RAB11FIP3: variants seen among roughly 807,000 people sequenced by gnomAD.
The protein encoded by RAB11FIP3 is rab11 family-interacting protein 3.
In RAB11FIP3, 17 loss-of-function variants were observed where a neutral mutation model predicts 77.8. That is an observed-to-expected ratio of 0.22 (90% CI 0.15 to 0.33). RAB11FIP3 has a LOEUF of 0.33. Ranked by LOEUF, RAB11FIP3 falls within the 10% of genes least tolerant of loss-of-function variation. The probability of loss-of-function intolerance (pLI) is 1.00; values close to 1 mark genes in which losing one functional copy is unlikely to be tolerated. For synonymous variants in RAB11FIP3, 437 were observed against 448.2 expected (o/e 0.98, Z 0.31); for missense variants, 1,005 against 1,011.2 (o/e 0.99, Z 0.08).
chr16:437,863 G>T (rs954882454), intron 1 of RAB11FIP3, among the ~76,000 whole-genome samples: 1 of 151,536 alleles, frequency 6.6e-6, no homozygotes, highest in Non-Finnish European at 1.5e-5. Flanking sequence ...CACGATCTTG[G>T]CTCATTCTTG....
intron 1 of RAB11FIP3, among the ~76,000 whole-genome samples, chr16:460,796 C>T (rs899427342): frequency 3.3e-5 from 5 of 151,446 alleles, no homozygotes; most frequent in South Asian, 2.1e-4. Context: ...TGGCTGCTGG[C>T]GTTCAGTGGC....
intron 2 of RAB11FIP3, among the ~76,000 whole-genome samples, chr16:466,437 C>T (rs1021613425): frequency 6.6e-6 from 1 of 152,172 alleles, no homozygotes; most frequent in Admixed American, 6.5e-5. Flanking sequence ...GGGGCAAGCT[C>T]AGCTCTAGGG....
intron 5 of RAB11FIP3, 163 bp downstream of exon 5, chr16:489,163 T>G: frequency 1.1e-6 from 1 of 884,114 alleles, no homozygotes; most frequent in Admixed American, 3.1e-5. Context: ...TACCTGGATT[T>G]ATGAAAGTTG....
chr16:448,924 T>C (rs1272565002), intron 1 of RAB11FIP3, among the ~76,000 whole-genome samples: 1 of 151,582 alleles, frequency 6.6e-6, no homozygotes. Flanking sequence ...TAAAAAAAAA[T>C]TGAATAACAT....
At chr16:474,323 C>T (rs59457064) in intron 3 of RAB11FIP3, among the ~76,000 whole-genome samples, 3,005 of 152,194 alleles carry the variant, frequency 0.02, 112 homozygotes, top group African/African-American at 0.067. Context: ...CCGGGGTGGT[C>T]GGGTAAAATG....
intron 6 of RAB11FIP3, among the ~76,000 whole-genome samples, chr16:500,133 CTG>C (rs1285717745): frequency 2.0e-5 from 3 of 152,224 alleles, no homozygotes; most frequent in Non-Finnish European, 4.4e-5. Context: ...CTCCAGTCAG[CTG>C]TGTGTGCAGA....
intron 2 of RAB11FIP3, among the ~76,000 whole-genome samples, chr16:466,246 T>G (rs1275515258): frequency 6.6e-6 from 1 of 152,168 alleles, no homozygotes; most frequent in Non-Finnish European, 1.5e-5. Flanking sequence ...CATGGAGAGT[T>G]AAGACGGGTC....
chr16:431,479 A>T (rs2055035112), intron 1 of RAB11FIP3, among the ~76,000 whole-genome samples: 1 of 151,856 alleles, frequency 6.6e-6, no homozygotes, highest in Admixed American at 6.6e-5. Context: ...ACGTGGGTTC[A>T]AGCGATTGTC....
intron 4 of RAB11FIP3, among the ~76,000 whole-genome samples, chr16:486,061 C>T (rs1367504659): frequency 1.3e-5 from 2 of 152,238 alleles, no homozygotes; most frequent in African/African-American, 4.8e-5. Context: ...GCCACCATGC[C>T]TGGCTAATTT....
intron 9 of RAB11FIP3, among the ~76,000 whole-genome samples, chr16:511,281 C>A (rs567544485): frequency 7.8e-6 from 1 of 129,014 alleles, no homozygotes; most frequent in African/African-American, 3.1e-5. Context: ...AAACTGCAGG[C>A]CAGGTAGGAG....
chr16:427,839 C>T (rs1237566039), intron 1 of RAB11FIP3, among the ~76,000 whole-genome samples: 2 of 152,130 alleles, frequency 1.3e-5, no homozygotes, highest in African/African-American at 2.4e-5. Context: ...GTGGCTCATG[C>T]CTGTAATCCC....
chr16:455,205 C>T lies in RAB11FIP3; in HGVS notation c.715-6199C>T, dbSNP rs115399712. Reference sequence around the variant, plus strand: ...AAGAATTGAGAACTGCGCAGCCAGGCGCCATGGCTCACGCCGGTAATCCCA... The same window carrying T: ...AAGAATTGAGAACTGCGCAGCCAGGTGCCATGGCTCACGCCGGTAATCCCA... On this transcript the variant is annotated intron_variant, in intron 1 of 13. Coordinates refer to ENST00000262305, the MANE Select transcript of RAB11FIP3 (RefSeq NM_014700.4). Among the ~76,000 whole-genome samples, 1,515 of 151,704 alleles carry T rather than the reference C, an allele frequency of 1.0e-2. 35 individuals are homozygous for T. Among genetic ancestry groups the T allele is most frequent in the African/African-American group, 0.033 (1,354 of 41,418 alleles).
rs1440221209 is a variant in RAB11FIP3, at chr16:461,768, T to C, written c.808+271T>C. Among the ~76,000 whole-genome samples the C allele has an allele frequency of 3.3e-5, 5 of 152,118 alleles. No individual in the cohort carries two copies. Among genetic ancestry groups the C allele is most frequent in the South Asian group, 4.1e-4 (2 of 4,828 alleles). ...TCCTCAAAGATTTCATGATGACAAT[T>C]TGAGAATTTTCAAAATATTGAAAGA... On this transcript the variant is annotated intron_variant, in intron 2 of 13. Transcript: ENST00000262305. This position sits in a 1 kb window ranked among gnomAD's most constrained non-coding sequence, Gnocchi z 4.5.
At chr16:451,703 T>G (rs780906840) in intron 1 of RAB11FIP3, among the ~76,000 whole-genome samples, 6 of 151,380 alleles carry the variant, frequency 4.0e-5, no homozygotes, top group Non-Finnish European at 8.8e-5. Flanking sequence ...GGCATGGTGG[T>G]GTGTGCCTAT....
chr16:513,863 C>A (rs1238755202), intron 9 of RAB11FIP3, among the ~76,000 whole-genome samples: 1 of 152,242 alleles, frequency 6.6e-6, no homozygotes, highest in African/African-American at 2.4e-5. Context: ...AAGGTCAGGG[C>A]AGCCAGGACA....
Position 460,703 on chromosome 16 carries a change from A to G in RAB11FIP3, c.715-701A>G, listed in dbSNP as rs116659867. Among the ~76,000 whole-genome samples, 515 of 152,266 alleles carry G rather than the reference A, an allele frequency of 3.4e-3. 4 individuals are homozygous for G. The highest frequency in any genetic ancestry group is 0.012 in the African/African-American group (504 of 41,562). Reference sequence around the variant, plus strand: ...CGGTGTGTGCTTATCTATGTTATCTATGTAACATATCTATGTTGGCATGCT... The same window carrying G: ...CGGTGTGTGCTTATCTATGTTATCTGTGTAACATATCTATGTTGGCATGCT... On this transcript the variant is annotated intron_variant, in intron 1 of 13. Coordinates refer to ENST00000262305, the MANE Select transcript of RAB11FIP3 (RefSeq NM_014700.4).
In RAB11FIP3 at chr16:509,754, C is replaced by T. The variant is rs1483543473; in HGVS notation, c.1500-906C>T. On this transcript the variant is annotated intron_variant, in intron 8 of 13. Coordinates refer to ENST00000262305, the MANE Select transcript of RAB11FIP3 (RefSeq NM_014700.4). ...AGGGGACTGGGAGCAGAGTGGGCCC[C>T]CCCCCCACTTGTGGCCCCTCACAGC... is the stretch of plus-strand genomic sequence containing the variant. 2.6e-5 allele frequency among the ~76,000 whole-genome samples: 4 copies of T among 152,310 alleles called. 1 individual carries two copies. The highest frequency in any genetic ancestry group is 2.0e-4 in the Admixed American group (3 of 15,308).
intron 3 of RAB11FIP3, chr16:477,604 T>C (rs2055943985): frequency 1.0e-6 from 1 of 985,236 alleles, no homozygotes; most frequent in Admixed American, 6.1e-5. Context: ...AGCCCTGTCC[T>C]GAGTGGGCCC....
intron 5 of RAB11FIP3, chr16:491,409 C>A: frequency 1.1e-6 from 1 of 881,704 alleles, no homozygotes; most frequent in Non-Finnish European, 1.5e-6. Flanking sequence ...CCGCCTCCCA[C>A]CCTGCACGCT....
Sources: gnomAD v4.1 joint callset for allele counts (sites outside exome capture counted in the v4.1 genomes callset) on GRCh38, gnomAD v4.1.1 for gene constraint, Gnocchi (gnomAD v3.1) non-coding constraint, MANE v1.5 for transcripts, NCBI Gene and HGNC (gene_info 2026-07-23, HGNC 2026-07-21) for gene names.